Variants in SLC4A10 observed in about 807,000 individuals in gnomAD.
The protein encoded by SLC4A10 is solute carrier family 4 member 10, also known as sodium-driven chloride bicarbonate exchanger.
A neutral mutation model predicts 137.7 loss-of-function variants in SLC4A10; 42 were observed. The observed-to-expected ratio is 0.30, with a 90% CI of 0.24 to 0.39. The LOEUF is 0.39. Ranked by LOEUF, SLC4A10 falls within the 10% of genes least tolerant of loss-of-function variation. SLC4A10 has a pLI of 1.00. For missense variants in SLC4A10, 925 were observed against 1,355.0 expected, an observed-to-expected ratio of 0.68 and a Z score of 4.98; for synonymous variants, 474 against 464.1, an observed-to-expected ratio of 1.02 and a Z score of -0.27.
At chr2:161,910,061 C>T (rs1685463946) in intron 15 of SLC4A10, among the ~76,000 whole-genome samples, 2 of 152,182 alleles carry the variant, frequency 1.3e-5, no homozygotes, top group South Asian at 2.1e-4. Flanking sequence ...GCAACCTTTG[C>T]AAACAATATG....
At chr2:161,702,711 A>G (rs2125014237) in intron 1 of SLC4A10, among the ~76,000 whole-genome samples, 1 of 151,946 alleles carries the variant, frequency 6.6e-6, no homozygotes, top group East Asian at 1.9e-4. Context: ...GTCTATGTCT[A>G]CATTTATCAT....
intron 26 of SLC4A10, among the ~76,000 whole-genome samples, chr2:161,979,532 C>A (rs1699907003): frequency 6.6e-6 from 1 of 152,194 alleles, no homozygotes; most frequent in Non-Finnish European, 1.5e-5. Flanking sequence ...ATGTGAGAAA[C>A]ATCTTTTGGT....
intron 3 of SLC4A10, among the ~76,000 whole-genome samples, chr2:161,832,952 G>T (rs1205287654): frequency 6.6e-6 from 1 of 152,162 alleles, no homozygotes. Flanking sequence ...GTGTTAGCCA[G>T]GATGGTCTCG....
chr2:161,682,823 T>A (rs2041009383), intron 1 of SLC4A10, among the ~76,000 whole-genome samples: 1 of 152,096 alleles, frequency 6.6e-6, no homozygotes, highest in Admixed American at 6.6e-5. Context: ...GGTGGACAGA[T>A]CTTTTACATG....
chr2:161,957,328 C>G, intron 20 of SLC4A10, 88 bp downstream of exon 20: 1 of 1,430,882 alleles, frequency 7.0e-7, no homozygotes, highest in South Asian at 1.4e-5. Flanking sequence ...CATAAATTTG[C>G]AAATATTGTG....
At chr2:161,973,318 A>G (rs1698869589) in intron 23 of SLC4A10, among the ~76,000 whole-genome samples, 1 of 152,234 alleles carries the variant, frequency 6.6e-6, no homozygotes, top group Non-Finnish European at 1.5e-5. Context: ...GCTATAATCT[A>G]TGAATAACTT....
intron 3 of SLC4A10, among the ~76,000 whole-genome samples, chr2:161,808,590 C>G (rs1365966348): frequency 6.6e-6 from 1 of 152,068 alleles, no homozygotes; most frequent in Non-Finnish European, 1.5e-5. Flanking sequence ...TCTGGTGATT[C>G]CCAGTGCCTA....
Position 161,879,241 on chromosome 2 carries a change from T to A in SLC4A10, c.1059T>A (p.Ser353=). The A allele has an allele frequency of 6.2e-7, 1 of 1,613,280 alleles. No homozygotes were observed. Among genetic ancestry groups the A allele is most frequent in the Non-Finnish European group, 8.5e-7 (1 of 1,179,358 alleles). Reference sequence around the variant, plus strand: ...CAGTAGTTGCGTTTGTCAGGTTGTCTCCAGCTGTATTGCTTCAAGGACTGG... The same window carrying A: ...CAGTAGTTGCGTTTGTCAGGTTGTCACCAGCTGTATTGCTTCAAGGACTGG... ...DRTVVAFVRL[S]PAVLLQGLAE... The change falls in exon 9 of 27, where the codon TCT becomes TCA. Residue 353 remains serine (S), a synonymous_variant. Coordinates refer to ENST00000446997, the MANE Select transcript of SLC4A10 (RefSeq NM_001178015.2).
intron 1 of SLC4A10, among the ~76,000 whole-genome samples, chr2:161,769,913 G>A (rs1197113933): frequency 6.6e-6 from 1 of 151,114 alleles, no homozygotes; most frequent in Admixed American, 6.6e-5. Context: ...AGAAAGGCAG[G>A]TCCCCAATGT....
chr2:161,701,752 A>C (rs1170745274), intron 1 of SLC4A10, among the ~76,000 whole-genome samples: 1 of 151,850 alleles, frequency 6.6e-6, no homozygotes, highest in Non-Finnish European at 1.5e-5. Context: ...CTAGCTTCTC[A>C]TAACCACCAT....
intron 1 of SLC4A10, among the ~76,000 whole-genome samples, chr2:161,698,309 G>A (rs1454593408): frequency 6.6e-6 from 1 of 152,102 alleles, no homozygotes; most frequent in Non-Finnish European, 1.5e-5. Context: ...TCTTTCTCTT[G>A]TCTGATTGCC....
intron 3 of SLC4A10, among the ~76,000 whole-genome samples, chr2:161,815,198 A>G (rs1315200460): frequency 6.6e-6 from 1 of 152,036 alleles, no homozygotes; most frequent in Non-Finnish European, 1.5e-5. Flanking sequence ...CCCCACCAAA[A>G]TCTCATCTCC....
At chr2:161,852,555 C>A (rs2059890786) in intron 4 of SLC4A10, among the ~76,000 whole-genome samples, 1 of 151,894 alleles carries the variant, frequency 6.6e-6, no homozygotes, top group East Asian at 1.9e-4. Context: ...ATAAAGAAAA[C>A]AAATTGGAAT....
chr2:161,795,836 C>T (rs940602091), intron 2 of SLC4A10, among the ~76,000 whole-genome samples: 2 of 152,016 alleles, frequency 1.3e-5, no homozygotes, highest in Non-Finnish European at 2.9e-5. Context: ...TCTATAAAGG[C>T]TAGTTTCTTT....
intron 1 of SLC4A10, among the ~76,000 whole-genome samples, chr2:161,756,979 G>A (rs974755113): frequency 1.3e-5 from 2 of 151,974 alleles, no homozygotes; most frequent in Admixed American, 6.6e-5. Flanking sequence ...GAAAAAAATC[G>A]CTAAGCTTTT....
At chr2:161,930,852 A>C (rs537335532) in intron 15 of SLC4A10, among the ~76,000 whole-genome samples, 33 of 152,304 alleles carry the variant, frequency 2.2e-4, no homozygotes, top group Non-Finnish European at 4.0e-4. Flanking sequence ...AAAGTTGACA[A>C]AGTAGATAAG....
intron 3 of SLC4A10, among the ~76,000 whole-genome samples, chr2:161,811,010 T>G (rs2056501706): frequency 6.6e-6 from 1 of 152,080 alleles, no homozygotes; most frequent in South Asian, 2.1e-4. Flanking sequence ...TTTTTTTGGT[T>G]GGTAGGTTTT....
chr2:161,902,108 T>A (rs770696392), intron 12 of SLC4A10: 2 of 456,500 alleles, frequency 4.4e-6, no homozygotes, highest in African/African-American at 2.0e-5. Context: ...TATCCATTAC[T>A]CATCTGCTCT....
intron 1 of SLC4A10, among the ~76,000 whole-genome samples, chr2:161,725,347 T>A (rs1368219127): frequency 1.3e-5 from 2 of 152,236 alleles, no homozygotes; most frequent in Admixed American, 1.3e-4. Context: ...AATACTCATC[T>A]GTTTTAAAGA....
Sources: gnomAD v4.1 joint callset for allele counts (sites outside exome capture counted in the v4.1 genomes callset) on GRCh38, gnomAD v4.1.1 for gene constraint, MANE v1.5 for transcripts, NCBI Gene and HGNC (gene_info 2026-07-23, HGNC 2026-07-21) for gene names.